The following RIMBP2 variants were observed in gnomAD, a reference collection of about 807,000 sequenced individuals.
RIMBP2 encodes RIMS-binding protein 2.
RIMBP2 carries 48 observed loss-of-function variants against 118.6 expected under a neutral mutation model. That is an observed-to-expected ratio of 0.40 (90% CI 0.32 to 0.51). RIMBP2 has a LOEUF of 0.51. RIMBP2 is among the 20% of genes least tolerant of loss of function. The probability of loss-of-function intolerance (pLI) is 0.41; values close to 1 mark genes in which losing one functional copy is unlikely to be tolerated. For synonymous variants in RIMBP2, 762 were observed against 742.9 expected (o/e 1.03, Z -0.42); for missense variants, 1,551 against 1,768.3 (o/e 0.88, Z 2.20).
chr12:130,472,823 A>G (rs1487863676), intron 5 of RIMBP2, among the ~76,000 whole-genome samples: 9 of 152,156 alleles, frequency 5.9e-5, no homozygotes, highest in African/African-American at 1.7e-4. Context: ...CATATTTCCA[A>G]TGAGAGTTTT....
intron 2 of RIMBP2, among the ~76,000 whole-genome samples, chr12:130,528,606 TAAAATA>T (rs574386769): frequency 2.6e-5 from 4 of 152,212 alleles, no homozygotes; most frequent in East Asian, 3.8e-4. Flanking sequence ...CCCCATAACT[TAAAATA>T]AAAATGTCTC....
intron 1 of RIMBP2, among the ~76,000 whole-genome samples, chr12:130,679,946 G>A (rs1447684251): frequency 1.3e-5 from 2 of 151,192 alleles, no homozygotes; most frequent in Non-Finnish European, 2.9e-5. Flanking sequence ...GGACCCGTGA[G>A]TGTGATCACG....
intron 1 of RIMBP2, among the ~76,000 whole-genome samples, chr12:130,662,028 G>A (rs116318875): frequency 1.3e-3 from 192 of 152,292 alleles, no homozygotes; most frequent in African/African-American, 4.4e-3. Flanking sequence ...AGGGAATGGG[G>A]CTGCACTAGG....
intron 17 of RIMBP2, among the ~76,000 whole-genome samples, chr12:130,421,557 T>G (rs1017638579): frequency 2.6e-5 from 4 of 152,202 alleles, no homozygotes; most frequent in African/African-American, 7.2e-5. Flanking sequence ...CTTCAGCTAT[T>G]TCAACGAGAT....
At chr12:130,639,214 C>A (rs2062492095) in intron 1 of RIMBP2, among the ~76,000 whole-genome samples, 3 of 151,042 alleles carry the variant, frequency 2.0e-5, no homozygotes, top group Admixed American at 2.0e-4. Flanking sequence ...ATAGTGAAAC[C>A]CCCATCTCTA....
At chr12:130,669,834 C>T (rs534647025) in intron 1 of RIMBP2, among the ~76,000 whole-genome samples, 1 of 152,236 alleles carries the variant, frequency 6.6e-6, no homozygotes, top group South Asian at 2.1e-4. Context: ...ACGGTGAAAA[C>T]CACCCAAGAA....
At position 130,466,783 on chromosome 12, in the gene RIMBP2, A is replaced by T. The variant is rs558490261; in HGVS notation, c.153+3910T>A. Among the ~76,000 whole-genome samples, 4 of 152,354 alleles carry T rather than the reference A, an allele frequency of 2.6e-5. No homozygotes were observed. In the South Asian group the frequency reaches 6.2e-4, roughly 24 times the overall value. ...TCGTTTATCTTCACAGGGATGGGACAAAGAACTCAGCTCCTAACCCTCTGC... is the reference window on the plus strand; with the variant it reads ...TCGTTTATCTTCACAGGGATGGGACTAAGAACTCAGCTCCTAACCCTCTGC... On this transcript the variant is annotated intron_variant, in intron 6 of 22. Transcript: ENST00000690449.
intron 4 of RIMBP2, among the ~76,000 whole-genome samples, chr12:130,493,541 C>A (rs912319400): frequency 2.0e-5 from 3 of 152,106 alleles, no homozygotes; most frequent in Non-Finnish European, 4.4e-5. Flanking sequence ...TCTCAAACTC[C>A]TGACCTCAGG....
intron 2 of RIMBP2, among the ~76,000 whole-genome samples, chr12:130,559,561 C>T (rs1460804509): frequency 1.3e-5 from 2 of 152,264 alleles, no homozygotes; most frequent in Admixed American, 6.5e-5. Flanking sequence ...TCCTTATATC[C>T]GCTGAGGGAC....
Position 130,446,733 on chromosome 12 carries a change from G to GAT in RIMBP2, c.582-1466_582-1465dup, listed in dbSNP as rs1010984974. On this transcript the variant is annotated intron_variant, in intron 9 of 22. Coordinates refer to ENST00000690449, the MANE Select transcript of RIMBP2 (RefSeq NM_001393629.1). This position sits in a 1 kb window ranked among gnomAD's most constrained non-coding sequence, Gnocchi z 4.1. Reference sequence around the variant, plus strand: ...GCAGGGACCAGACTGGTTTTAACCTGATCTCACAAGCTGTGGGATGTCATG... The same window carrying GAT: ...GCAGGGACCAGACTGGTTTTAACCTGATATCTCACAAGCTGTGGGATGTCATG... 1.3e-5 allele frequency among the ~76,000 whole-genome samples: 2 copies of GAT among 152,224 alleles called. No homozygotes were observed. The highest frequency in any genetic ancestry group is 3.9e-4 in the East Asian group (2 of 5,192).
chr12:130,475,013 CG>C lies in RIMBP2; in HGVS notation c.102+3898del, dbSNP rs2081313864. Among the ~76,000 whole-genome samples, 1 of 152,144 alleles carries C rather than the reference CG, an allele frequency of 6.6e-6. No individual in the cohort carries two copies. The highest frequency in any genetic ancestry group is 1.5e-5 in the Non-Finnish European group (1 of 68,022). On this transcript the variant is annotated intron_variant, in intron 5 of 22. Transcript: ENST00000690449. This position sits in a 1 kb window ranked among gnomAD's most constrained non-coding sequence, Gnocchi z 4.1. ...CGGTCTCCAGGAAGCACGCGTCTCC[CG>C]GGAGAGCCTGAGGTTACCAGCAGAC... is the stretch of plus-strand genomic sequence containing the variant.
intron 4 of RIMBP2, among the ~76,000 whole-genome samples, chr12:130,482,129 G>A (rs1401666814): frequency 6.6e-6 from 1 of 152,236 alleles, no homozygotes; most frequent in Non-Finnish European, 1.5e-5. Context: ...TGCCACCTCA[G>A]TGCGGTGTGG....
intron 1 of RIMBP2, among the ~76,000 whole-genome samples, chr12:130,632,896 G>A (rs1306428296): frequency 2.6e-5 from 4 of 152,240 alleles, no homozygotes; most frequent in East Asian, 3.9e-4. Flanking sequence ...ATTGATGTAC[G>A]TTTTACTGCT....
At chr12:130,702,606 G>A (rs924954558) in intron 1 of RIMBP2, among the ~76,000 whole-genome samples, 3 of 151,956 alleles carry the variant, frequency 2.0e-5, no homozygotes, top group Non-Finnish European at 4.4e-5. Flanking sequence ...GAGGAAGGAA[G>A]GAAGGAACCA....
rs12826921 is a variant in RIMBP2 at position 130,646,166 on chromosome 12, A to T, written c.-351-17710T>A. Among the ~76,000 whole-genome samples the T allele has an allele frequency of 9.7e-3, 217 of 22,408 alleles. 21 individuals are homozygous for T. Among genetic ancestry groups the T allele is most frequent in the Admixed American group, 0.012 (23 of 1,956 alleles). 14.7% of individuals were successfully genotyped at this position (22,408 alleles called of 152,430 possible). ...CACCACCTGCCTCTCCACCTCCCTC[A>T]CCACCTGCCTCTCCACCTCCCTCAC... On this transcript the variant is annotated intron_variant, in intron 1 of 22. Transcript: ENST00000690449.
intron 1 of RIMBP2, among the ~76,000 whole-genome samples, chr12:130,654,233 G>A (rs76164864): frequency 6.9e-4 from 105 of 152,198 alleles, no homozygotes; most frequent in Non-Finnish European, 1.4e-3. Flanking sequence ...CTTTGCTTCT[G>A]TATCTGAGCA....
In RIMBP2 at chr12:130,451,252, G is replaced by A. The variant is rs773151382; in HGVS notation, c.447C>T (p.Ser149=). The A allele has an allele frequency of 2.5e-5, 40 of 1,614,078 alleles. No homozygotes were observed. The highest frequency in any genetic ancestry group is 8.9e-5 in the East Asian group (4 of 44,896). The change falls in exon 8 of 23, where the codon TCC becomes TCT. Residue 149 remains serine, a synonymous_variant. Coordinates refer to ENST00000690449, the MANE Select transcript of RIMBP2 (RefSeq NM_001393629.1). ...ATCTCGACAGGAAGGTGGGCTTGGC[G>A]GACAGAGGCTCCGGCCTGTCACCAG... ...PQPGDRPEPL[S]AKPTFLSRSG...
At chr12:130,655,728 C>T (rs1312980025) in intron 1 of RIMBP2, among the ~76,000 whole-genome samples, 1 of 152,228 alleles carries the variant, frequency 6.6e-6, no homozygotes, top group African/African-American at 2.4e-5. Flanking sequence ...TATGTGCACA[C>T]ACACACACCA....
chr12:130,555,076 G>C (rs538507765), intron 2 of RIMBP2, among the ~76,000 whole-genome samples: 2 of 152,270 alleles, frequency 1.3e-5, no homozygotes, highest in Admixed American at 6.5e-5. Flanking sequence ...CCATCTTAGA[G>C]AGAAAAAACA....
Sources: allele counts gnomAD v4.1 joint callset (sites outside exome capture counted in the v4.1 genomes callset), GRCh38; gene constraint gnomAD v4.1.1; non-coding constraint Gnocchi (gnomAD v3.1); transcripts MANE v1.5; gene names NCBI Gene and HGNC (gene_info 2026-07-23, HGNC 2026-07-21).